The following SIAH2 variants were observed in gnomAD, a reference collection of about 807,000 sequenced individuals.
SIAH2 encodes the protein siah E3 ubiquitin protein ligase 2, also known as E3 ubiquitin-protein ligase SIAH2.
In SIAH2, 4 loss-of-function variants were observed where a neutral mutation model predicts 20.4. The ratio of observed to expected loss-of-function variants is 0.20; its 90% CI spans 0.10 to 0.45. The LOEUF (loss-of-function observed/expected upper bound fraction) is 0.45. Among genes scored for constraint, SIAH2 ranks in the 20% least tolerant of loss-of-function variants. SIAH2 has a pLI of 0.99. For missense variants in SIAH2, 259 were observed against 440.3 expected (o/e 0.59, Z 3.69); for synonymous variants, 171 against 192.5 (o/e 0.89, Z 0.93).
intron 1 of SIAH2, among the ~76,000 whole-genome samples, chr3:150,756,070 G>C (rs1248297909): frequency 6.6e-6 from 1 of 152,174 alleles, no homozygotes; most frequent in African/African-American, 2.4e-5. Flanking sequence ...TACCAAACTG[G>C]AAATGAGGAA....
At chr3:150,753,275 A>T (rs1306902053) in intron 1 of SIAH2, among the ~76,000 whole-genome samples, 2 of 152,146 alleles carry the variant, frequency 1.3e-5, no homozygotes, top group African/African-American at 4.8e-5. Context: ...TGGGAAGGAG[A>T]GGGCCTGGAA....
chr3:150,745,278 CCCCA>C (rs1714186875), intron 1 of SIAH2, among the ~76,000 whole-genome samples: 4 of 149,028 alleles, frequency 2.7e-5, no homozygotes, highest in Non-Finnish European at 5.9e-5. Context: ...CACACACACA[CCCCA>C]CATTTCATAC....
Position 150,742,061 on chromosome 3 carries a change from T to C in SIAH2, c.*80A>G. On this transcript the variant is annotated 3_prime_UTR_variant, in exon 2 of 2. Coordinates refer to ENST00000312960, the MANE Select transcript of SIAH2 (RefSeq NM_005067.7). This position sits in a 1 kb window ranked among gnomAD's most constrained non-coding sequence, Gnocchi z 4.8. ...GTGGGTCCTGACTTGTGAAGACATA[T>C]GGAATAAAACATCTATAAAAACCTT... 2.3e-6 allele frequency: 3 copies of C among 1,326,792 alleles called. No homozygotes were observed. The highest frequency in any genetic ancestry group is 2.9e-5 in the South Asian group (2 of 69,636). 82.2% of individuals were successfully genotyped at this position (1,326,792 alleles called of 1,614,324 possible).
chr3:150,759,750 G>A (rs1043879101), intron 1 of SIAH2, among the ~76,000 whole-genome samples: 4 of 151,638 alleles, frequency 2.6e-5, no homozygotes, highest in Admixed American at 2.0e-4. Flanking sequence ...CTGGCAGATA[G>A]AGGGCATCCA....
intron 1 of SIAH2, among the ~76,000 whole-genome samples, chr3:150,754,187 A>ACTGAC (rs1714431909): frequency 6.6e-6 from 1 of 152,212 alleles, no homozygotes; most frequent in Non-Finnish European, 1.5e-5. Context: ...AATACTTGAG[A>ACTGAC]CTGAGTAAGT....
intron 1 of SIAH2, among the ~76,000 whole-genome samples, chr3:150,749,478 T>C (rs763472405): frequency 5.3e-5 from 8 of 152,190 alleles, no homozygotes; most frequent in Non-Finnish European, 1.0e-4. Flanking sequence ...CCCTCCAGCC[T>C]GGGCAACAGA....
In SIAH2 at chr3:150,762,685, G is replaced by T. The variant is rs1714648275; in HGVS notation, c.165C>A (p.Ile55=). ...CCCCGCCGCCGCCGCCGGGGCCCGA[G>T]ATCACCGCCGCCGCGGCGGGCACCG... ...SSAVPAAAAV[I]SGPGGGGGAG... is the part of the protein sequence containing the mutation. The change falls in exon 1 of 2, where the codon ATC becomes ATA. Residue 55 remains isoleucine, a synonymous_variant. Coordinates refer to ENST00000312960, the MANE Select transcript of SIAH2 (RefSeq NM_005067.7). The surrounding 1 kb of genome is among the most constrained non-coding windows in gnomAD (Gnocchi z 6.6). 1.5e-6 allele frequency: 2 copies of T among 1,375,944 alleles called. No homozygotes were observed. Among genetic ancestry groups the T allele is most frequent in the South Asian group, 1.7e-5 (1 of 57,858 alleles). 85.2% of individuals were successfully genotyped at this position (1,375,944 alleles called of 1,614,324 possible). A position where few individuals can be genotyped will look rare whatever the true frequency, so the allele number is the denominator to read the frequency against.
At chr3:150,758,569 ATTTTTTT>A (rs574596010) in intron 1 of SIAH2, among the ~76,000 whole-genome samples, 2 of 129,756 alleles carry the variant, frequency 1.5e-5, no homozygotes, top group East Asian at 2.2e-4. Flanking sequence ...TAGACATTCC[ATTTTTTT>A]TTTTTTTTTT....
chr3:150,748,213 AT>A (rs1714271321), intron 1 of SIAH2, among the ~76,000 whole-genome samples: 1 of 152,150 alleles, frequency 6.6e-6, no homozygotes, highest in Non-Finnish European at 1.5e-5. Flanking sequence ...TGAAGGTTGT[AT>A]TTAAGTTGGA....
intron 1 of SIAH2, among the ~76,000 whole-genome samples, chr3:150,751,787 A>C (rs1345046929): frequency 1.3e-5 from 2 of 152,100 alleles, no homozygotes; most frequent in Non-Finnish European, 2.9e-5. Flanking sequence ...TCAAACTCCT[A>C]GCCTCACGTG....
Position 150,743,253 on chromosome 3 carries a change from C to T in SIAH2, c.418-555G>A, listed in dbSNP as rs143492805. On this transcript the variant is annotated intron_variant, in intron 1 of 1. Transcript: ENST00000312960. ...TTGGTTCCTTGCTCTTTGCTGCTGG[C>T]ATCACCAGGCTAGGGCAGCGGAGGC... Among the ~76,000 whole-genome samples the T allele has an allele frequency of 1.1e-3, 170 of 152,364 alleles. 1 individual carries two copies. Among genetic ancestry groups the T allele is most frequent in the Non-Finnish European group, 1.8e-3 (120 of 68,026 alleles).
intron 1 of SIAH2, among the ~76,000 whole-genome samples, chr3:150,754,832 G>GA (rs1199484387): frequency 2.0e-5 from 3 of 150,974 alleles, no homozygotes; most frequent in African/African-American, 7.3e-5. Flanking sequence ...TTAAAGAAAT[G>GA]AAAAAAAATC....
intron 1 of SIAH2, among the ~76,000 whole-genome samples, chr3:150,760,315 T>C (rs1714576778): frequency 6.6e-6 from 1 of 152,250 alleles, no homozygotes. Flanking sequence ...GCTTGGTTCT[T>C]GGTCTGCAGG....
chr3:150,754,475 G>C (rs2166061), intron 1 of SIAH2, among the ~76,000 whole-genome samples: 28,090 of 152,006 alleles, frequency 0.18, 5,737 homozygotes, highest in African/African-American at 0.49. Flanking sequence ...CCAACCACCT[G>C]CCCCAGGCCC....
intron 1 of SIAH2, among the ~76,000 whole-genome samples, chr3:150,754,643 T>C (rs1714444784): frequency 6.6e-6 from 1 of 152,222 alleles, no homozygotes. Context: ...CAAAATGGTA[T>C]AGTGGTTATC....
intron 1 of SIAH2, among the ~76,000 whole-genome samples, chr3:150,755,177 A>G (rs1203681463): frequency 4.6e-5 from 7 of 152,132 alleles, no homozygotes; most frequent in Non-Finnish European, 1.0e-4. Context: ...AGGCCAGATG[A>G]GGGGCTGCCC....
At chr3:150,753,909 G>A (rs1256314807) in intron 1 of SIAH2, among the ~76,000 whole-genome samples, 1 of 147,850 alleles carries the variant, frequency 6.8e-6, no homozygotes, top group African/African-American at 2.7e-5. Flanking sequence ...ACAAAGATTT[G>A]GTTATAGCAG....
chr3:150,756,915 T>C (rs1403522209), intron 1 of SIAH2, among the ~76,000 whole-genome samples: 4 of 152,274 alleles, frequency 2.6e-5, no homozygotes, highest in Middle Eastern at 3.4e-3. Flanking sequence ...CCAAAGTAAA[T>C]AGTTTTGTGT....
Position 150,762,860 on chromosome 3 carries a change from A to AC in SIAH2, c.-12dup. The AC allele has an allele frequency of 8.3e-7, 1 of 1,198,746 alleles. No individual in the cohort carries two copies. Among genetic ancestry groups the AC allele is most frequent in the Non-Finnish European group, 1.0e-6 (1 of 953,430 alleles). 74.3% of individuals were successfully genotyped at this position (1,198,746 alleles called of 1,614,324 possible). On this transcript the variant is annotated 5_prime_UTR_variant, in exon 1 of 2. Transcript: ENST00000312960. This position sits in a 1 kb window ranked among gnomAD's most constrained non-coding sequence, Gnocchi z 6.6. ...GGACGGGCGGCTCATCGCGCTCCGA[A>AC]CCAACCATGGAACTGCGGGCGCCTG...
Sources: allele counts gnomAD v4.1 joint callset (sites outside exome capture counted in the v4.1 genomes callset), GRCh38; gene constraint gnomAD v4.1.1; non-coding constraint Gnocchi (gnomAD v3.1); transcripts MANE v1.5; gene names NCBI Gene and HGNC (gene_info 2026-07-23, HGNC 2026-07-21).